Variants in SLC9A2 observed in about 807,000 individuals in gnomAD.
SLC9A2 encodes the protein sodium/hydrogen exchanger 2.
A neutral mutation model predicts 71.7 loss-of-function variants in SLC9A2; 42 were observed. That is an observed-to-expected ratio of 0.59 (90% CI 0.46 to 0.76). The LOEUF is 0.76. Among genes scored for constraint, SLC9A2 ranks in the 30% least tolerant of loss-of-function variants. SLC9A2 has a pLI of 0.00. For missense variants in SLC9A2, 829 were observed against 1,017.4 expected (o/e 0.81, Z 2.52); for synonymous variants, 396 against 392.5 (o/e 1.01, Z -0.10).
At position 102,643,571 on chromosome 2, in the gene SLC9A2, G is replaced by A. The variant is rs1197835989; in HGVS notation, c.290-13993G>A. On this transcript the variant is annotated intron_variant, in intron 1 of 11. Transcript: ENST00000233969. ...TCTGAGACATGAGAGACAAAAAGAA[G>A]ACCCAGAGAACTGAATGCCATGGTC... Among the ~76,000 whole-genome samples the A allele has an allele frequency of 4.6e-5, 7 of 152,278 alleles. No individual in the cohort carries two copies. The East Asian group carries it at 1.2e-3, about 25-fold the overall frequency.
intron 3 of SLC9A2, among the ~76,000 whole-genome samples, chr2:102,672,896 G>C (rs1677282068): frequency 6.6e-6 from 1 of 151,862 alleles, no homozygotes; most frequent in Non-Finnish European, 1.5e-5. Context: ...AACATTAAAG[G>C]CACTATTTTC....
At chr2:102,638,975 G>C (rs1284105893) in intron 1 of SLC9A2, among the ~76,000 whole-genome samples, 1 of 152,258 alleles carries the variant, frequency 6.6e-6, no homozygotes, top group Non-Finnish European at 1.5e-5. Context: ...CTTGAGAGCA[G>C]GAGTTTGAGA....
At position 102,657,635 on chromosome 2, in the gene SLC9A2, C is replaced by G; in HGVS notation, c.361C>G (p.Leu121Val). 1.2e-6 allele frequency: 2 copies of G among 1,614,124 alleles called. No homozygotes were observed. The highest frequency in any genetic ancestry group is 2.2e-5 in the East Asian group (1 of 44,880). ...SCLLIMVGLL[L>V]GGIIFGVDEK... The stretch of plus-strand genomic sequence containing the variant: ...CCTTCTTATAATGGTTGGACTTCTA[C>G]TAGGTGGGATTATTTTTGGTGTTGA... The change falls in exon 2 of 12, where the codon CTA (leucine) becomes GTA (valine). Residue 121 changes from leucine to valine, a missense_variant. Leu to Val is a conservative substitution (Grantham distance 32). Coordinates refer to ENST00000233969, the MANE Select transcript of SLC9A2 (RefSeq NM_003048.6).
In SLC9A2 at chr2:102,683,351, G is replaced by A; in HGVS notation, c.1095G>A (p.Met365Ile). The change falls in exon 4 of 12, where the codon ATG becomes ATA. Residue 365 changes from methionine to isoleucine, a missense_variant. This residue lies in a region of SLC9A2 where 500 missense variants were observed against 726.3 expected (regional missense o/e 0.69). Coordinates refer to ENST00000233969, the MANE Select transcript of SLC9A2 (RefSeq NM_003048.6). ...CGACCATCAAGTACTTCATGAAGAT[G>A]CTGAGCAGTGTCAGCGAAACCTTGA... The part of the protein sequence containing the change: ...SYTTIKYFMK[M>I]LSSVSETLIF... 6.2e-7 allele frequency: 1 copy of A among 1,614,120 alleles called. No individual in the cohort carries two copies. The highest frequency in any genetic ancestry group is 8.5e-7 in the Non-Finnish European group (1 of 1,179,922).
At chr2:102,628,683 G>A (rs1024098949) in intron 1 of SLC9A2, among the ~76,000 whole-genome samples, 2 of 151,878 alleles carry the variant, frequency 1.3e-5, no homozygotes, top group East Asian at 3.9e-4. Flanking sequence ...TTACTTCTCA[G>A]TTAATAAACT....
chr2:102,699,879 A>G (rs1289690415), intron 7 of SLC9A2, among the ~76,000 whole-genome samples: 1 of 151,992 alleles, frequency 6.6e-6, no homozygotes, highest in Non-Finnish European at 1.5e-5. Flanking sequence ...CTCTCTCTGT[A>G]TGTTTTGGAA....
intron 1 of SLC9A2, among the ~76,000 whole-genome samples, chr2:102,654,293 GA>G (rs1346223955): frequency 6.6e-6 from 1 of 151,300 alleles, no homozygotes; most frequent in East Asian, 1.9e-4. Flanking sequence ...CAGCTTGGGG[GA>G]ACAGAGACAT....
intron 1 of SLC9A2, among the ~76,000 whole-genome samples, chr2:102,630,745 G>C (rs1015042466): frequency 6.6e-6 from 1 of 151,682 alleles, no homozygotes; most frequent in African/African-American, 2.4e-5. Context: ...CATTTAAGCT[G>C]TTTGGGCCCT....
intron 1 of SLC9A2, among the ~76,000 whole-genome samples, chr2:102,624,582 G>A (rs1014031851): frequency 1.3e-5 from 2 of 152,168 alleles, no homozygotes; most frequent in Admixed American, 6.5e-5. Context: ...ACCTTGCTGT[G>A]TAAAGTAACA....
At chr2:102,675,490 C>A (rs1203493632) in intron 3 of SLC9A2, among the ~76,000 whole-genome samples, 1 of 152,122 alleles carries the variant, frequency 6.6e-6, no homozygotes, top group Admixed American at 6.5e-5. Context: ...TTTCATGGTA[C>A]TCTGGGTGAA....
chr2:102,674,788 C>A (rs946896512), intron 3 of SLC9A2, among the ~76,000 whole-genome samples: 3 of 152,176 alleles, frequency 2.0e-5, no homozygotes, highest in African/African-American at 7.2e-5. Context: ...GGTGATAGGA[C>A]AAGGGACTCC....
chr2:102,637,244 G>A (rs1363626070), intron 1 of SLC9A2, among the ~76,000 whole-genome samples: 1 of 152,190 alleles, frequency 6.6e-6, no homozygotes, highest in African/African-American at 2.4e-5. Flanking sequence ...TCCAAGGGCA[G>A]CTCTCAGTAT....
intron 10 of SLC9A2, among the ~76,000 whole-genome samples, chr2:102,705,521 C>T (rs1229714724): frequency 6.6e-6 from 1 of 151,116 alleles, no homozygotes; most frequent in East Asian, 1.9e-4. Flanking sequence ...CTTCCCCATA[C>T]ATGTAGGTTC....
intron 1 of SLC9A2, among the ~76,000 whole-genome samples, chr2:102,628,657 A>G (rs1349483365): frequency 6.6e-6 from 1 of 152,034 alleles, no homozygotes; most frequent in Non-Finnish European, 1.5e-5. Context: ...TTCTGACTCA[A>G]TAATTAGTTA....
At chr2:102,690,257 G>A (rs1411590371) in intron 5 of SLC9A2, among the ~76,000 whole-genome samples, 1 of 152,196 alleles carries the variant, frequency 6.6e-6, no homozygotes, top group Admixed American at 6.5e-5. Context: ...GACAAATACA[G>A]CTGCAAGGTC....
intron 3 of SLC9A2, among the ~76,000 whole-genome samples, chr2:102,671,454 A>G (rs1677250753): frequency 6.6e-6 from 1 of 152,208 alleles, no homozygotes; most frequent in South Asian, 2.1e-4. Context: ...ATATTCAGGA[A>G]AAAGGAAAAA....
intron 1 of SLC9A2, among the ~76,000 whole-genome samples, chr2:102,651,958 A>G (rs952068006): frequency 4.7e-5 from 7 of 149,786 alleles, no homozygotes; most frequent in Non-Finnish European, 1.0e-4. Flanking sequence ...TGTTGTTGTT[A>G]TATGTAGGAG....
chr2:102,705,924 ATT>A lies in SLC9A2; in HGVS notation c.2058_2059del (p.Ser687TyrfsTer6), dbSNP rs1300814498. On this transcript the variant is annotated frameshift_variant, in exon 11 of 12. Coordinates refer to ENST00000233969, the MANE Select transcript of SLC9A2 (RefSeq NM_003048.6). LOFTEE classifies it low-confidence loss of function (END_TRUNC). ...LPEKLQKRRT[I>X]SIADGNSSDS... ...AGAAAAGCTACAAAAGAGGAGGACT[ATT>A]TCTATTGCAGGTAGTGAATATAGTT... The A allele has an allele frequency of 6.3e-7, 1 of 1,595,936 alleles. No individual in the cohort carries two copies.
At chr2:102,678,785 C>G (rs1360433143) in intron 3 of SLC9A2, among the ~76,000 whole-genome samples, 1 of 152,154 alleles carries the variant, frequency 6.6e-6, no homozygotes, top group Non-Finnish European at 1.5e-5. Context: ...AATGGAGACT[C>G]ATATGTATAT....
Sources: allele counts gnomAD v4.1 joint callset (sites outside exome capture counted in the v4.1 genomes callset), GRCh38; gene constraint gnomAD v4.1.1; regional missense constraint gnomAD v4.1.1; transcripts MANE v1.5; gene names NCBI Gene and HGNC (gene_info 2026-07-23, HGNC 2026-07-21).